Variants in SUPT20H observed in about 807,000 individuals in gnomAD.
The protein encoded by SUPT20H is SPT20 homolog, SAGA complex component, also known as transcription factor SPT20 homolog.
In SUPT20H, 82 loss-of-function variants were observed where a neutral mutation model predicts 122.8. The ratio of observed to expected loss-of-function variants is 0.67; its 90% CI spans 0.56 to 0.80. The LOEUF (loss-of-function observed/expected upper bound fraction) is 0.80. Among genes scored for constraint, SUPT20H ranks in the 30% least tolerant of loss-of-function variants. The pLI is 0.00. For missense variants in SUPT20H, 831 were observed against 921.6 expected (o/e 0.90, Z 1.27); for synonymous variants, 291 against 313.0 (o/e 0.93, Z 0.74).
At chr13:37,028,887 G>C (rs1253116054) in intron 13 of SUPT20H, among the ~76,000 whole-genome samples, 4 of 150,838 alleles carry the variant, frequency 2.7e-5, no homozygotes, top group Non-Finnish European at 5.9e-5. Context: ...GAGTTTAAAT[G>C]GCATGTTTAA....
At chr13:37,057,998 G>T (rs1291164907) in intron 1 of SUPT20H, among the ~76,000 whole-genome samples, 1 of 148,780 alleles carries the variant, frequency 6.7e-6, no homozygotes, top group African/African-American at 2.5e-5. Flanking sequence ...AAAAAAGTTG[G>T]CTGGGGCGGT....
chr13:37,010,429 A>T, intron 25 of SUPT20H, 123 bp downstream of exon 25: 2 of 829,232 alleles, frequency 2.4e-6, no homozygotes, highest in Non-Finnish European at 3.7e-6. Flanking sequence ...AATTTGCTAA[A>T]TTATTTACCA....
chr13:37,035,069 A>G (rs1317887294), intron 9 of SUPT20H, among the ~76,000 whole-genome samples: 2 of 152,256 alleles, frequency 1.3e-5, no homozygotes, highest in Non-Finnish European at 2.9e-5. Flanking sequence ...ATGGAGATGT[A>G]CAAGGGGATT....
intron 1 of SUPT20H, among the ~76,000 whole-genome samples, chr13:37,054,391 C>A (rs1330729258): frequency 1.3e-5 from 2 of 152,192 alleles, no homozygotes; most frequent in African/African-American, 4.8e-5. Flanking sequence ...CAAATCGAAT[C>A]CAGCAGCACA....
chr13:37,052,071 T>C (rs1176262814), intron 1 of SUPT20H, among the ~76,000 whole-genome samples: 1 of 152,104 alleles, frequency 6.6e-6, no homozygotes, highest in Non-Finnish European at 1.5e-5. Context: ...TGCTCATGGA[T>C]AGGAAGAATC....
At position 37,021,618 on chromosome 13, in the gene SUPT20H, A is replaced by G; in HGVS notation, c.1662-16T>C. The G allele has an allele frequency of 1.3e-6, 2 of 1,600,000 alleles. No homozygotes were observed. Among genetic ancestry groups the G allele is most frequent in the Non-Finnish European group, 1.7e-6 (2 of 1,173,964 alleles). ...CTGGGCCCCACTGCAGGAGAATAAG[A>G]CAAAGCATTAAACTTCACTGTAAAA... On this transcript the variant is annotated splice_polypyrimidine_tract_variant and intron_variant, in intron 20 of 25. Coordinates refer to ENST00000350612, the MANE Select transcript of SUPT20H (RefSeq NM_001014286.3).
chr13:37,011,414 G>C (rs1424097819), intron 24 of SUPT20H, among the ~76,000 whole-genome samples: 6 of 152,110 alleles, frequency 3.9e-5, no homozygotes, highest in African/African-American at 1.2e-4. Context: ...TATATGTAAG[G>C]ATAACTGACT....
At chr13:37,032,044 G>GTGCT in intron 10 of SUPT20H, 149 bp from the exon 11 acceptor site, 1 of 583,356 alleles carries the variant, frequency 1.7e-6, no homozygotes, top group Non-Finnish European at 2.7e-6. Context: ...CTAGGACTAG[G>GTGCT]TGAAATAAAA....
intron 8 of SUPT20H, 42 bp from the exon 9 acceptor site, chr13:37,040,500 C>T (rs998690031): frequency 1.3e-6 from 2 of 1,579,820 alleles, no homozygotes; most frequent in Admixed American, 1.9e-5. Context: ...AATCTATGCA[C>T]AAACATATGA....
At position 37,009,739 on chromosome 13, in the gene SUPT20H, T is replaced by C. The variant is rs2059248609; in HGVS notation, c.2273A>G (p.His758Arg). The C allele has an allele frequency of 2.5e-6, 4 of 1,614,048 alleles. No individual in the cohort carries two copies. Among genetic ancestry groups the C allele is most frequent in the Non-Finnish European group, 3.4e-6 (4 of 1,179,978 alleles). Residue 758 changes from histidine to arginine, a missense_variant, in exon 26 of 26, where the codon CAT becomes CGT. Coordinates refer to ENST00000350612, the MANE Select transcript of SUPT20H (RefSeq NM_001014286.3). Reference protein sequence around the residue: ...AAAQTAQLHHHRHTGSQSKSK... With the variant: ...AAAQTAQLHHRRHTGSQSKSK... ...TTTTGACTGGCTGCCTGTATGCCGATGATGATGTAGCTGAGCTGTTTGTGC... is the reference window on the plus strand; with the variant it reads ...TTTTGACTGGCTGCCTGTATGCCGACGATGATGTAGCTGAGCTGTTTGTGC...
chr13:37,035,680 T>C (rs2064239015), intron 9 of SUPT20H, among the ~76,000 whole-genome samples: 2 of 152,068 alleles, frequency 1.3e-5, no homozygotes, highest in East Asian at 1.9e-4. Flanking sequence ...TACAGGCAAC[T>C]GCCACCATGC....
rs1437327602 is a variant in SUPT20H, at chr13:37,031,824, T to C, written c.779A>G (p.Gln260Arg). Residue 260 changes from glutamine (Q) to arginine (R), a missense_variant, in exon 11 of 26, where the codon CAG becomes CGG. Transcript: ENST00000350612. ...TTGTAAGAAATCAAGTAACCTCAGC[T>C]GAGGAGGAGGTGGACAATGAGATAG... is the stretch of plus-strand genomic sequence containing the variant. Reference protein sequence around the residue: ...QDLSHCPPPPQLRLLDFLQKR... With the variant: ...QDLSHCPPPPRLRLLDFLQKR... 2 of 1,611,040 alleles carry C rather than the reference T, an allele frequency of 1.2e-6. No individual in the cohort carries two copies. Among genetic ancestry groups the C allele is most frequent in the Non-Finnish European group, 8.5e-7 (1 of 1,178,870 alleles).
chr13:37,044,658 T>C (rs1056933345), intron 6 of SUPT20H, among the ~76,000 whole-genome samples: 3 of 152,210 alleles, frequency 2.0e-5, no homozygotes, highest in Non-Finnish European at 4.4e-5. Flanking sequence ...ATTATCATCA[T>C]ATTAAATTTT....
chr13:37,032,727 G>A (rs1464527030), intron 10 of SUPT20H, among the ~76,000 whole-genome samples: 1 of 152,068 alleles, frequency 6.6e-6, no homozygotes, highest in South Asian at 2.1e-4. Flanking sequence ...TGACTACCGG[G>A]GAAAAATCCC....
Position 37,051,486 on chromosome 13 carries a change from A to G in SUPT20H, c.3+2T>C. On this transcript the variant is annotated splice_donor_variant, in intron 2 of 25. Transcript: ENST00000350612. LOFTEE classifies it high-confidence loss of function. ...ATTTGAACATACTGAGCTGAAGCTT[A>G]CCATTATGGCATAAAATAAGGGTCC... 6.2e-7 allele frequency: 1 copy of G among 1,611,534 alleles called. No individual in the cohort carries two copies. Among genetic ancestry groups the G allele is most frequent in the Non-Finnish European group, 8.5e-7 (1 of 1,178,224 alleles).
chr13:37,041,901 G>T (rs1269361797), intron 7 of SUPT20H, among the ~76,000 whole-genome samples: 7 of 152,206 alleles, frequency 4.6e-5, no homozygotes, highest in Non-Finnish European at 7.3e-5. Flanking sequence ...AATCTGGATT[G>T]TATGTGCAGA....
At chr13:37,030,421 G>C (rs921133184) in intron 12 of SUPT20H, among the ~76,000 whole-genome samples, 1 of 152,114 alleles carries the variant, frequency 6.6e-6, no homozygotes, top group African/African-American at 2.4e-5. Flanking sequence ...CTTACCTGGA[G>C]CACCTATTAA....
At chr13:37,017,387 T>C (rs1174419250) in intron 22 of SUPT20H, 23 bp from the exon 23 acceptor site, 5 of 1,589,380 alleles carry the variant, frequency 3.1e-6, no homozygotes, top group Non-Finnish European at 3.4e-6. Context: ...TAAACAAAAA[T>C]TAACCAATTT....
chr13:37,058,750 T>C (rs1343179958), intron 1 of SUPT20H, among the ~76,000 whole-genome samples: 1 of 152,146 alleles, frequency 6.6e-6, no homozygotes, highest in African/African-American at 2.4e-5. Context: ...CCTTCCAATA[T>C]TACAACCTGC....
Sources: allele counts gnomAD v4.1 joint callset (sites outside exome capture counted in the v4.1 genomes callset), GRCh38; gene constraint gnomAD v4.1.1; transcripts MANE v1.5; gene names NCBI Gene and HGNC (gene_info 2026-07-23, HGNC 2026-07-21).